ZNF480: variants seen among roughly 807,000 people sequenced by gnomAD.
ZNF480 encodes zinc finger protein 480.
A neutral mutation model predicts 14.4 loss-of-function variants in ZNF480; 15 were observed. The observed-to-expected ratio is 1.04, with a 90% CI of 0.70 to 1.60. The LOEUF (loss-of-function observed/expected upper bound fraction) is 1.60. Among genes scored for constraint, ZNF480 ranks in the 40% most tolerant of loss-of-function variants. ZNF480 has a pLI of 0.00. For synonymous variants in ZNF480, 218 were observed against 215.5 expected, an observed-to-expected ratio of 1.01 and a Z score of -0.10; for missense variants, 593 against 629.7, an observed-to-expected ratio of 0.94 and a Z score of 0.62.
At chr19:52,302,847 G>C (rs1484169376) in intron 2 of ZNF480, among the ~76,000 whole-genome samples, 1 of 152,226 alleles carries the variant, frequency 6.6e-6, no homozygotes, top group Non-Finnish European at 1.5e-5. Context: ...ATTAACATGG[G>C]TTAAATTGTG....
At chr19:52,308,307 C>CTTTT (rs146136889) in intron 2 of ZNF480, among the ~76,000 whole-genome samples, 3 of 128,186 alleles carry the variant, frequency 2.3e-5, no homozygotes, top group Non-Finnish European at 3.2e-5. Context: ...TTTTTTTCTT[C>CTTTT]TTTTTTTTTT....
chr19:52,323,021 G>T lies in ZNF480; in HGVS notation c.*163G>T. The T allele has an allele frequency of 1.9e-6, 1 of 524,738 alleles. No homozygotes were observed. The highest frequency in any genetic ancestry group is 3.1e-6 in the Non-Finnish European group (1 of 319,136). 32.5% of individuals were successfully genotyped at this position (524,738 alleles called of 1,614,324 possible). ...AACTCATTAGAGAATTTATACTGGA[G>T]AGACTTCACAATTATAATAAATGTG... On this transcript the variant is annotated 3_prime_UTR_variant, in exon 5 of 5. Transcript: ENST00000595962.
chr19:52,324,988 A>G lies in ZNF480; in HGVS notation c.*2130A>G, dbSNP rs1984025029. 1 of 152,218 alleles carries G rather than the reference A, an allele frequency of 6.6e-6. No homozygotes were observed. The highest frequency in any genetic ancestry group is 2.4e-5 in the African/African-American group (1 of 41,454). 9.4% of individuals were successfully genotyped at this position (152,218 alleles called of 1,614,324 possible). A position where few individuals can be genotyped will look rare whatever the true frequency, so the allele number is the denominator to read the frequency against. On this transcript the variant is annotated 3_prime_UTR_variant, in exon 5 of 5. Coordinates refer to ENST00000595962, the MANE Select transcript of ZNF480 (RefSeq NM_144684.4). ...GCAAAAGAAGCTATTTGCAGACTAC[A>G]GAATGGGAGAAAATGTTTACAAACT...
In ZNF480 at chr19:52,324,211, A is replaced by G. The variant is rs1983986707; in HGVS notation, c.*1353A>G. ...CCCATTCACAGTAGCCACAAAAAGT[A>G]TAAAATACCTAGGAATACAGCCAAC... On this transcript the variant is annotated 3_prime_UTR_variant, in exon 5 of 5. Coordinates refer to ENST00000595962, the MANE Select transcript of ZNF480 (RefSeq NM_144684.4). The G allele has an allele frequency of 6.6e-6, 1 of 152,206 alleles. No individual in the cohort carries two copies. Among genetic ancestry groups the G allele is most frequent in the Non-Finnish European group, 1.5e-5 (1 of 68,042 alleles). The allele number at this position is 152,206 out of a possible 1,614,324, so 9.4% of individuals were successfully genotyped here.
intron 4 of ZNF480, among the ~76,000 whole-genome samples, chr19:52,321,279 C>G (rs1244879807): frequency 6.6e-6 from 1 of 152,076 alleles, no homozygotes; most frequent in Non-Finnish European, 1.5e-5. Flanking sequence ...TCTTGAGTGT[C>G]TTATTTTCCC....
intron 2 of ZNF480, among the ~76,000 whole-genome samples, chr19:52,303,144 A>T (rs758019441): frequency 6.6e-6 from 1 of 152,214 alleles, no homozygotes; most frequent in South Asian, 2.1e-4. Flanking sequence ...TACAGCTACA[A>T]GCTCCGATTT....
chr19:52,301,780 T>C (rs1303931271), intron 2 of ZNF480: 1 of 151,714 alleles, frequency 6.6e-6, no homozygotes, highest in Non-Finnish European at 1.5e-5. Context: ...CCTCAAACTC[T>C]TTTGAAGAAT....
Position 52,322,186 on chromosome 19 carries a change from GA to G in ZNF480, c.939del (p.Lys313AsnfsTer18). The G allele has an allele frequency of 6.2e-7, 1 of 1,614,076 alleles. No individual in the cohort carries two copies. The highest frequency in any genetic ancestry group is 8.5e-7 in the Non-Finnish European group (1 of 1,179,994). Reference sequence around the variant, plus strand: ...GACATCAAAGAATTCATGCTGAAGAGAAACCTTACAAATGTAATGAATGTGG... The same window carrying G: ...GACATCAAAGAATTCATGCTGAAGAGAACCTTACAAATGTAATGAATGTGG... ...ARHQRIHAEE[K>X]PYKCNECGKG... On this transcript the variant is annotated frameshift_variant, in exon 5 of 5. Coordinates refer to ENST00000595962, the MANE Select transcript of ZNF480 (RefSeq NM_144684.4). LOFTEE classifies it low-confidence loss of function (END_TRUNC).
chr19:52,304,494 T>C (rs956778100), intron 2 of ZNF480, among the ~76,000 whole-genome samples: 1 of 152,118 alleles, frequency 6.6e-6, no homozygotes, highest in Non-Finnish European at 1.5e-5. Flanking sequence ...GCCTCCAGTT[T>C]CTCTTTACTT....
At chr19:52,320,676 C>T (rs951018511) in intron 4 of ZNF480, among the ~76,000 whole-genome samples, 1 of 152,162 alleles carries the variant, frequency 6.6e-6, no homozygotes, top group Non-Finnish European at 1.5e-5. Context: ...CCTGTAGTCC[C>T]AGTTACTCGG....
chr19:52,321,842 C>T lies in ZNF480; in HGVS notation c.592C>T (p.Leu198Phe), dbSNP rs117506953. 288 of 1,614,080 alleles carry T rather than the reference C, an allele frequency of 1.8e-4. No individual in the cohort carries two copies. The East Asian group carries it at 5.6e-3, about 32-fold the overall frequency. ...TCTCCCACAAGAACAGAAAGTACAC[C>T]TTAGAGAAAAACCTTATGAATGTAA... Reference protein sequence around the residue: ...SFLPQEQKVHLREKPYECNEH... With the variant: ...SFLPQEQKVHFREKPYECNEH... Residue 198 changes from leucine to phenylalanine, a missense_variant, in exon 5 of 5, where the codon CTT (leucine) becomes TTT (phenylalanine). Transcript: ENST00000595962.
In ZNF480 at chr19:52,322,756, G is replaced by T; in HGVS notation, c.1506G>T (p.Arg502=). 1.2e-6 allele frequency: 2 copies of T among 1,612,262 alleles called. No individual in the cohort carries two copies. The highest frequency in any genetic ancestry group is 2.2e-5 in the East Asian group (1 of 44,814). The change falls in exon 5 of 5, where the codon CGG becomes CGT. Residue 502 remains arginine, a synonymous_variant. Coordinates refer to ENST00000595962, the MANE Select transcript of ZNF480 (RefSeq NM_144684.4). ...GAATTGCACACCTTGCACGACATCGGAAAATTCATACTGGAGAGAAACCTT... is the reference window on the plus strand; with the variant it reads ...GAATTGCACACCTTGCACGACATCGTAAAATTCATACTGGAGAGAAACCTT... ...FNRIAHLARH[R]KIHTGEKPYK...
At chr19:52,315,463 G>A (rs1010370109) in intron 3 of ZNF480, among the ~76,000 whole-genome samples, 1 of 151,898 alleles carries the variant, frequency 6.6e-6, no homozygotes, top group African/African-American at 2.4e-5. Context: ...TTAGAGGCAT[G>A]TGCCACCATG....
At chr19:52,301,469 G>A (rs1982688534) in intron 2 of ZNF480, 1 of 152,088 alleles carries the variant, frequency 6.6e-6, no homozygotes. Flanking sequence ...TACAGATGAG[G>A]AGTAATGCAA....
At position 52,322,345 on chromosome 19, in the gene ZNF480, T is replaced by C. The variant is rs757952682; in HGVS notation, c.1095T>C (p.His365=). The change falls in exon 5 of 5, where the codon CAT becomes CAC. Residue 365 remains histidine, a synonymous_variant. Transcript: ENST00000595962. ...TCCTTGTACGACATCAGAAAATTCA[T>C]ACTGGAGAGAAACCTTACAAATGTA... ...IALLVRHQKI[H]TGEKPYKCNE... The C allele has an allele frequency of 1.2e-6, 2 of 1,613,890 alleles. No individual in the cohort carries two copies. The highest frequency in any genetic ancestry group is 2.2e-5 in the South Asian group (2 of 91,074).
intron 2 of ZNF480, among the ~76,000 whole-genome samples, chr19:52,311,536 T>C (rs1231004421): frequency 6.6e-6 from 1 of 152,184 alleles, no homozygotes; most frequent in African/African-American, 2.4e-5. Flanking sequence ...TTTCTGTGTT[T>C]TTTCATGGTC....
In ZNF480 at chr19:52,315,912, A is replaced by C; in HGVS notation, c.278A>C (p.Lys93Thr). The C allele has an allele frequency of 6.2e-7, 1 of 1,612,936 alleles. No individual in the cohort carries two copies. Among genetic ancestry groups the C allele is most frequent in the Non-Finnish European group, 8.5e-7 (1 of 1,179,188 alleles). ...CCCTGGTCTGGTGAGAGTGAAGTGA[A>C]AATAGCAAAAAATTCAGATGGGAGG... Reference protein sequence around the residue: ...REPWSGESEVKIAKNSDGREC... With the variant: ...REPWSGESEVTIAKNSDGREC... Residue 93 changes from lysine (K) to threonine (T), a missense_variant, in exon 4 of 5, where the codon AAA becomes ACA. By Grantham distance (78) the Lys-to-Thr change is moderately conservative. Coordinates refer to ENST00000595962, the MANE Select transcript of ZNF480 (RefSeq NM_144684.4).
rs1211094094 is a variant in ZNF480, at chr19:52,324,451, G to A, written c.*1593G>A. 1 of 152,058 alleles carries A rather than the reference G, an allele frequency of 6.6e-6. No homozygotes were observed. The highest frequency in any genetic ancestry group is 1.5e-5 in the Non-Finnish European group (1 of 68,020). The allele number at this position is 152,058 out of a possible 1,614,324, so 9.4% of individuals were successfully genotyped here. A position where few individuals can be genotyped will look rare whatever the true frequency, so the allele number is the denominator to read the frequency against. On this transcript the variant is annotated 3_prime_UTR_variant, in exon 5 of 5. Coordinates refer to ENST00000595962, the MANE Select transcript of ZNF480 (RefSeq NM_144684.4). ...GAAGAAAACATTCTGAAATTTATTT[G>A]GAACCAGAAAAGCCCAACCTAAATA...
In ZNF480 at chr19:52,325,202, C is replaced by T. The variant is rs1357706257; in HGVS notation, c.*2344C>T. The T allele has an allele frequency of 2.6e-5, 4 of 152,104 alleles. No homozygotes were observed. The highest frequency in any genetic ancestry group is 5.9e-5 in the Non-Finnish European group (4 of 68,020). The allele number at this position is 152,104 out of a possible 1,614,324, so 9.4% of individuals were successfully genotyped here. ...ATCATTAAGGAAATGCAATCAAAGC[C>T]ACAATGAGATACCATCTCAGACCTG... On this transcript the variant is annotated 3_prime_UTR_variant, in exon 5 of 5. Transcript: ENST00000595962.
Sources: gnomAD v4.1 joint callset for allele counts (sites outside exome capture counted in the v4.1 genomes callset) on GRCh38, gnomAD v4.1.1 for gene constraint, MANE v1.5 for transcripts, NCBI Gene and HGNC (gene_info 2026-07-23, HGNC 2026-07-21) for gene names.